Variants in RNF212B observed in about 807,000 individuals in gnomAD.
RNF212B encodes the protein ring finger protein 212B.
RNF212B carries 52 observed loss-of-function variants against 55.5 expected under a neutral mutation model. The ratio of observed to expected loss-of-function variants is 0.94; its 90% CI spans 0.75 to 1.18. The LOEUF (loss-of-function observed/expected upper bound fraction) is 1.18, where lower values mean the gene tolerates loss of function less well. RNF212B is among the 50% of genes most tolerant of loss of function. The pLI is 0.00. For synonymous variants in RNF212B, 99 were observed against 121.4 expected (o/e 0.82, Z 1.21); for missense variants, 289 against 350.4 (o/e 0.82, Z 1.40).
At chr14:23,192,793 T>C (rs975944022) in intron 1 of RNF212B, among the ~76,000 whole-genome samples, 8 of 152,128 alleles carry the variant, frequency 5.3e-5, no homozygotes, top group Admixed American at 6.6e-5. Context: ...ACCAATTTTT[T>C]AAAAATATAG....
intron 1 of RNF212B, among the ~76,000 whole-genome samples, chr14:23,238,416 G>T (rs935492364): frequency 1.3e-5 from 2 of 151,676 alleles, no homozygotes; most frequent in African/African-American, 4.8e-5. Flanking sequence ...ATCCCTCAGC[G>T]GTTACACACA....
chr14:23,266,404 GTTTT>G (rs57731750), intron 11 of RNF212B, among the ~76,000 whole-genome samples: 1 of 46,872 alleles, frequency 2.1e-5, no homozygotes, highest in Non-Finnish European at 3.6e-5. Context: ...CCTTTTAAAT[GTTTT>G]TTTTTTTTTT....
At chr14:23,200,454 T>C (rs183463805) in intron 2 of RNF212B, among the ~76,000 whole-genome samples, 1 of 152,164 alleles carries the variant, frequency 6.6e-6, no homozygotes, top group East Asian at 1.9e-4. Context: ...GCTTCCCAAG[T>C]AGATGGGATT....
chr14:23,239,948 A>G (rs960183583), intron 1 of RNF212B, among the ~76,000 whole-genome samples: 10 of 151,754 alleles, frequency 6.6e-5, no homozygotes, highest in African/African-American at 2.4e-4. Flanking sequence ...ACAAACTGGC[A>G]CATGTATTAA....
chr14:23,197,000 CT>C (rs887643153), intron 2 of RNF212B, among the ~76,000 whole-genome samples: 1 of 152,124 alleles, frequency 6.6e-6, no homozygotes, highest in African/African-American at 2.4e-5. Context: ...GACAATGGTG[CT>C]TTTTTTGCTC....
At chr14:23,242,097 A>G (rs796256336) in intron 2 of RNF212B, among the ~76,000 whole-genome samples, 12 of 100,780 alleles carry the variant, frequency 1.2e-4, no homozygotes, top group African/African-American at 1.6e-4. Flanking sequence ...AAAAAAAAAA[A>G]AAAAAAAAAA....
chr14:23,230,725 T>A (rs111936229), intron 2 of RNF212B, among the ~76,000 whole-genome samples: 1 of 152,006 alleles, frequency 6.6e-6, no homozygotes, highest in African/African-American at 2.4e-5. Context: ...CCCCTATATT[T>A]TCTTCTAAGA....
At chr14:23,194,996 A>G (rs559454631) in intron 2 of RNF212B, among the ~76,000 whole-genome samples, 20 of 152,024 alleles carry the variant, frequency 1.3e-4, no homozygotes, top group South Asian at 8.3e-4. Context: ...TTGGGTCACA[A>G]TGAAATTAAA....
intron 12 of RNF212B, among the ~76,000 whole-genome samples, chr14:23,269,520 C>G (rs1378793019): frequency 6.6e-6 from 1 of 151,978 alleles, no homozygotes; most frequent in Non-Finnish European, 1.5e-5. Context: ...TTGCTTAAGC[C>G]CAGGTGTTGG....
chr14:23,229,220 TTATA>T (rs61656270), intron 2 of RNF212B, among the ~76,000 whole-genome samples: 2,289 of 64,578 alleles, frequency 0.035, 109 homozygotes, highest in African/African-American at 0.11. Flanking sequence ...GAATAATATT[TTATA>T]TATATATATA....
intron 4 of RNF212B, among the ~76,000 whole-genome samples, chr14:23,256,773 A>G (rs1884863313): frequency 6.6e-6 from 1 of 152,136 alleles, no homozygotes; most frequent in Admixed American, 6.6e-5. Context: ...TGCAGCCTCA[A>G]ACTCCTGGGT....
upstream of RNF212B, among the ~76,000 whole-genome samples, chr14:23,235,630 C>G (rs979957849): frequency 6.6e-6 from 1 of 152,218 alleles, no homozygotes; most frequent in Non-Finnish European, 1.5e-5. Context: ...GACAGCTTGA[C>G]AGCTTCCCAA....
At chr14:23,215,387 A>G (rs552384249) in intron 2 of RNF212B, among the ~76,000 whole-genome samples, 3 of 152,280 alleles carry the variant, frequency 2.0e-5, no homozygotes, top group Non-Finnish European at 2.9e-5. Context: ...AAAGATTCAA[A>G]TGACAGTGTA....
At chr14:23,230,578 C>T (rs1002496427) in intron 2 of RNF212B, among the ~76,000 whole-genome samples, 8 of 140,132 alleles carry the variant, frequency 5.7e-5, no homozygotes, top group South Asian at 2.3e-4. Context: ...GGCGTGAACC[C>T]GGGAGGCGGA....
Position 23,240,452 on chromosome 14 carries a change from G to A in RNF212B, c.100+7G>A. 6.6e-7 allele frequency: 1 copy of A among 1,521,868 alleles called. No individual in the cohort carries two copies. The highest frequency in any genetic ancestry group is 8.9e-7 in the Non-Finnish European group (1 of 1,121,502). 94.3% of individuals were successfully genotyped at this position (1,521,868 alleles called of 1,614,324 possible). On this transcript the variant is annotated splice_region_variant and intron_variant, in intron 2 of 14. Coordinates refer to ENST00000430154, the MANE Select transcript of RNF212B (RefSeq NM_001282322.3). The stretch of plus-strand genomic sequence containing the variant: ...AAAAAGTGTGTGACTCTGGGTGAGT[G>A]ACTCAACTGTTTTCAGATTCAGGGA...
chr14:23,195,499 G>A (rs141061467), intron 2 of RNF212B, among the ~76,000 whole-genome samples: 124 of 152,224 alleles, frequency 8.1e-4, no homozygotes, highest in Non-Finnish European at 5.0e-4. Context: ...GGAACCAATT[G>A]TTTTGTAATG....
At chr14:23,268,674 G>A (rs1885861687) in intron 11 of RNF212B, among the ~76,000 whole-genome samples, 1 of 152,112 alleles carries the variant, frequency 6.6e-6, no homozygotes, top group South Asian at 2.1e-4. Context: ...GGAAACCAAG[G>A]CACAGATACA....
At position 23,258,680 on chromosome 14, in the gene RNF212B, A is replaced by T; in HGVS notation, c.344+16A>T. The T allele has an allele frequency of 8.4e-7, 1 of 1,188,558 alleles. No individual in the cohort carries two copies. Among genetic ancestry groups the T allele is most frequent in the Non-Finnish European group, 1.2e-6 (1 of 861,436 alleles). 73.6% of individuals were successfully genotyped at this position (1,188,558 alleles called of 1,614,324 possible). On this transcript the variant is annotated intron_variant, in intron 5 of 14. Transcript: ENST00000430154. ...GCCAGGACAAGTAAGTAACAAATCA[A>T]GTCCCAAGAGAGCTTTTTTTTTTTT...
chr14:23,201,144 T>G (rs1879251429), intron 2 of RNF212B, among the ~76,000 whole-genome samples: 1 of 152,214 alleles, frequency 6.6e-6, no homozygotes, highest in African/African-American at 2.4e-5. Flanking sequence ...CCTGTTCTGC[T>G]TGATATTCAT....
Sources: gnomAD v4.1 joint callset for allele counts (sites outside exome capture counted in the v4.1 genomes callset) on GRCh38, gnomAD v4.1.1 for gene constraint, MANE v1.5 for transcripts, NCBI Gene and HGNC (gene_info 2026-07-23, HGNC 2026-07-21) for gene names.